Variants in GLDC observed in about 807,000 individuals in gnomAD.
GLDC encodes glycine decarboxylase.
GLDC carries 104 observed loss-of-function variants against 121.3 expected under a neutral mutation model. That is an observed-to-expected ratio of 0.86 (90% confidence interval 0.73 to 1.01). GLDC has a LOEUF of 1.01. GLDC is among the 50% of genes least tolerant of loss of function. The probability of loss-of-function intolerance (pLI) is 0.00; values close to 1 mark genes in which losing one functional copy is unlikely to be tolerated. For missense variants in GLDC, 1,429 were observed against 1,306.6 expected (o/e 1.09, Z -1.44); for synonymous variants, 546 against 480.6 (o/e 1.14, Z -1.78).
rs757906469 is a variant in GLDC at position 6,604,764 on chromosome 9, A to T, written c.882T>A (p.Thr294=). ...TCAAGATGCACAAAGCTAAAAGGTCAGTAGCACAGCAGGCCAGGCTCTAGA... is the reference window on the plus strand; with the variant it reads ...TCAAGATGCACAAAGCTAAAAGGTCTGTAGCACAGCAGGCCAGGCTCTAGA... ...HQSGSLACCA[T]DLLALCILRP... is the part of the protein sequence containing the mutation. The change falls in exon 7 of 25, where the codon ACT becomes ACA. Residue 294 remains threonine, a synonymous_variant. Coordinates refer to ENST00000321612, the MANE Select transcript of GLDC (RefSeq NM_000170.3). The T allele has an allele frequency of 1.9e-6, 3 of 1,614,078 alleles. No individual in the cohort carries two copies. The highest frequency in any genetic ancestry group is 2.7e-5 in the African/African-American group (2 of 75,070).
At chr9:6,567,915 G>A (rs1817883391) in intron 15 of GLDC, among the ~76,000 whole-genome samples, 1 of 152,200 alleles carries the variant, frequency 6.6e-6, no homozygotes, top group African/African-American at 2.4e-5. Context: ...GCATGTAGTA[G>A]TTCTGCAATA....
intron 20 of GLDC, among the ~76,000 whole-genome samples, chr9:6,552,658 G>C (rs888882395): frequency 1.3e-5 from 2 of 152,168 alleles, no homozygotes; most frequent in African/African-American, 4.8e-5. Context: ...CCTTTAAAGA[G>C]GGGCACTGCT....
intron 21 of GLDC, among the ~76,000 whole-genome samples, chr9:6,545,317 G>A (rs1817364736): frequency 6.6e-6 from 1 of 152,138 alleles, no homozygotes; most frequent in South Asian, 2.1e-4. Flanking sequence ...ACAGCCTCTT[G>A]CTCCTACTGT....
Position 6,550,845 on chromosome 9 carries a change from G to A in GLDC, c.2527C>T (p.Arg843Ter), listed in dbSNP as rs1554643360. ...AGAATTCTGTAGTGTGTTTCTAATCGCTTGGCCATGTAGTTGGCATTTAAT... is the reference window on the plus strand; with the variant it reads ...AGAATTCTGTAGTGTGTTTCTAATCACTTGGCCATGTAGTTGGCATTTAAT... ...AILNANYMAK[R>*]LETHYRILFR... The change falls in exon 21 of 25, where the codon CGA becomes TGA. Residue 843 changes from arginine to a stop codon, truncating the protein, a stop_gained. Transcript: ENST00000321612. LOFTEE classifies it high-confidence loss of function. 2.5e-6 allele frequency: 4 copies of A among 1,613,278 alleles called. No individual in the cohort carries two copies. Among genetic ancestry groups the A allele is most frequent in the South Asian group, 1.1e-5 (1 of 91,050 alleles).
At chr9:6,607,519 T>G (rs1490070896) in intron 4 of GLDC, among the ~76,000 whole-genome samples, 1 of 151,624 alleles carries the variant, frequency 6.6e-6, no homozygotes, top group Admixed American at 6.6e-5. Flanking sequence ...GAGGCAGAGG[T>G]TGCAGTGAGC....
chr9:6,591,339 A>G (rs1260799689), intron 11 of GLDC, among the ~76,000 whole-genome samples: 4 of 152,136 alleles, frequency 2.6e-5, no homozygotes, highest in Non-Finnish European at 5.9e-5. Flanking sequence ...GAGCTCCCAG[A>G]ACATCTTCAC....
At chr9:6,545,009 G>C (rs1424289369) in intron 21 of GLDC, among the ~76,000 whole-genome samples, 4 of 151,922 alleles carry the variant, frequency 2.6e-5, no homozygotes, top group Admixed American at 2.0e-4. Context: ...TGAGGTGGGA[G>C]AATCGCTTGA....
intron 5 of GLDC, 195 bp from the exon 6 acceptor site, chr9:6,605,473 G>A: frequency 3.1e-6 from 2 of 640,454 alleles, no homozygotes; most frequent in South Asian, 1.7e-5. Context: ...CAACAGCTCT[G>A]CTTCTGTTCC....
rs1393686106 is a variant in GLDC at position 6,554,925 on chromosome 9, T to C, written c.2203-144A>G. 3 of 717,428 alleles carry C rather than the reference T, an allele frequency of 4.2e-6. No individual in the cohort carries two copies. In the South Asian group the frequency reaches 4.5e-5, roughly 11 times the overall value. The allele number at this position is 717,428 out of a possible 1,614,324, so 44.4% of individuals were successfully genotyped here. On this transcript the variant is annotated intron_variant, in intron 18 of 24. Transcript: ENST00000321612. ...ATCCATGGTGTTCACAGAAATGTCC[T>C]CTATACTGGCCCAGTTCCGTAGTCA... is the stretch of plus-strand genomic sequence containing the variant.
rs386833554 is a variant in GLDC at position 6,553,510 on chromosome 9, C to G, written c.2316-1G>C. The G allele has an allele frequency of 6.2e-7, 1 of 1,601,514 alleles. No homozygotes were observed. Among genetic ancestry groups the G allele is most frequent in the East Asian group, 2.2e-5 (1 of 44,638 alleles). On this transcript the variant is annotated splice_acceptor_variant, in intron 19 of 24. Coordinates refer to ENST00000321612, the MANE Select transcript of GLDC (RefSeq NM_000170.3). LOFTEE classifies it high-confidence loss of function. The stretch of plus-strand genomic sequence containing the variant: ...CAAAAACGGGGCGAGATGTTTCTTC[C>G]TGTATTTTTTTTAAGTGCAAATTCA...
chr9:6,629,264 G>A (rs796229114), intron 2 of GLDC, among the ~76,000 whole-genome samples: 3 of 150,858 alleles, frequency 2.0e-5, no homozygotes, highest in African/African-American at 7.3e-5. Context: ...GCCCAGGTTG[G>A]AGTGCAATGG....
intron 2 of GLDC, among the ~76,000 whole-genome samples, chr9:6,643,859 C>A (rs1204394812): frequency 2.0e-5 from 3 of 150,934 alleles, no homozygotes; most frequent in African/African-American, 7.3e-5. Context: ...CATGAAGAAA[C>A]CCTGTCTCTA....
At chr9:6,626,300 G>A (rs1009504785) in intron 2 of GLDC, among the ~76,000 whole-genome samples, 2 of 152,190 alleles carry the variant, frequency 1.3e-5, no homozygotes, top group African/African-American at 4.8e-5. Flanking sequence ...GGAAGGGGGT[G>A]GGGCACCACC....
intron 22 of GLDC, among the ~76,000 whole-genome samples, chr9:6,539,391 A>T (rs2129660613): frequency 6.6e-6 from 1 of 152,264 alleles, no homozygotes; most frequent in South Asian, 2.1e-4. Flanking sequence ...AGGCATGAGA[A>T]TCACTTGAAC....
intron 15 of GLDC, among the ~76,000 whole-genome samples, chr9:6,582,398 G>A (rs1488519621): frequency 6.6e-6 from 1 of 151,934 alleles, no homozygotes; most frequent in Non-Finnish European, 1.5e-5. Flanking sequence ...GCAGGCACCT[G>A]TAATCCCAGC....
intron 13 of GLDC, 84 bp downstream of exon 13, chr9:6,588,533 GT>G: frequency 6.9e-7 from 1 of 1,440,392 alleles, no homozygotes; most frequent in Non-Finnish European, 9.8e-7. Context: ...CCACCCCTTT[GT>G]TGCTCTTGGA....
At chr9:6,635,530 C>G (rs901836717) in intron 2 of GLDC, among the ~76,000 whole-genome samples, 3 of 152,012 alleles carry the variant, frequency 2.0e-5, no homozygotes, top group Non-Finnish European at 2.9e-5. Flanking sequence ...ATAGTCATAC[C>G]GCTGCACTCT....
chr9:6,589,618 T>A (rs77718587), intron 11 of GLDC, among the ~76,000 whole-genome samples: 1 of 152,022 alleles, frequency 6.6e-6, no homozygotes, highest in Non-Finnish European at 1.5e-5. Context: ...CTAGAGACGA[T>A]GTTTCACCAT....
At chr9:6,554,634 C>T in intron 19 of GLDC, 35 bp downstream of exon 19, 3 of 1,449,004 alleles carry the variant, frequency 2.1e-6, no homozygotes, top group Non-Finnish European at 2.9e-6. Flanking sequence ...ATTCTGTCTC[C>T]AAAGCCATCC....
Sources: allele counts gnomAD v4.1 joint callset (sites outside exome capture counted in the v4.1 genomes callset), GRCh38; gene constraint gnomAD v4.1.1; transcripts MANE v1.5; gene names NCBI Gene and HGNC (gene_info 2026-07-23, HGNC 2026-07-21).